INVS: variants seen among roughly 807,000 people sequenced by gnomAD.
The protein encoded by INVS is inversion of embryo turning homolog.
Under a neutral mutation model 108.8 loss-of-function variants are expected in INVS, and 86 were observed. That is an observed-to-expected ratio of 0.79 (90% CI 0.66 to 0.95). INVS has a LOEUF of 0.95. Ranked by LOEUF, INVS falls within the 40% of genes least tolerant of loss-of-function variation. INVS has a pLI of 0.00. For synonymous variants in INVS, 455 were observed against 473.5 expected, an observed-to-expected ratio of 0.96 and a Z score of 0.51; for missense variants, 1,169 against 1,297.4, an observed-to-expected ratio of 0.90 and a Z score of 1.52.
chr9:100,237,569 G>T (rs999818462), intron 5 of INVS, among the ~76,000 whole-genome samples: 5 of 152,114 alleles, frequency 3.3e-5, no homozygotes, highest in Non-Finnish European at 7.4e-5. Context: ...TACCGTCCCT[G>T]CCGGCACTGT....
chr9:100,300,557 GTTT>G lies in INVS; in HGVS notation c.3092-8_3092-6del. 6.5e-7 allele frequency: 1 copy of G among 1,536,932 alleles called. No homozygotes were observed. The highest frequency in any genetic ancestry group is 9.0e-7 in the Non-Finnish European group (1 of 1,109,802). On this transcript the variant is annotated splice_polypyrimidine_tract_variant and splice_region_variant and intron_variant, in intron 16 of 16. Transcript: ENST00000262457. Reference sequence around the variant, plus strand: ...TAACCTTAATATCTATCTGGTATTTGTTTTTAACAGTGAGCAACCTACAGTGTA... The same window carrying G: ...TAACCTTAATATCTATCTGGTATTTGTTAACAGTGAGCAACCTACAGTGTA...
chr9:100,119,548 C>T (rs530422930), intron 2 of INVS, among the ~76,000 whole-genome samples: 1 of 152,216 alleles, frequency 6.6e-6, no homozygotes, highest in Non-Finnish European at 1.5e-5. Flanking sequence ...TCTCTCCCCA[C>T]TGCACATTGG....
chr9:100,227,598 CA>C (rs1831371652), intron 4 of INVS, among the ~76,000 whole-genome samples: 1 of 151,468 alleles, frequency 6.6e-6, no homozygotes, highest in Non-Finnish European at 1.5e-5. Flanking sequence ...TGAACATTGT[CA>C]AAATCAAAAT....
intron 12 of INVS, among the ~76,000 whole-genome samples, chr9:100,281,735 C>T (rs1833284714): frequency 6.9e-6 from 1 of 145,020 alleles, no homozygotes; most frequent in East Asian, 2.1e-4. Context: ...GAAAAATCAC[C>T]CCCCTGGTAT....
intron 3 of INVS, chr9:100,130,710 A>G (rs1268662642): frequency 6.6e-6 from 1 of 152,102 alleles, no homozygotes; most frequent in Non-Finnish European, 1.5e-5. Context: ...TGTGCTATTT[A>G]TGTAATCATG....
chr9:100,198,049 A>G (rs1316480110), intron 3 of INVS, among the ~76,000 whole-genome samples: 3 of 152,154 alleles, frequency 2.0e-5, no homozygotes, highest in Admixed American at 2.0e-4. Flanking sequence ...ACAAAAATCT[A>G]TGTCTATATC....
At chr9:100,282,054 G>A (rs1053407161) in intron 12 of INVS, among the ~76,000 whole-genome samples, 3 of 152,114 alleles carry the variant, frequency 2.0e-5, no homozygotes, top group Non-Finnish European at 4.4e-5. Flanking sequence ...CCACCCACAT[G>A]TGTCTGTCTA....
chr9:100,191,047 G>T (rs1830204954), intron 3 of INVS, among the ~76,000 whole-genome samples: 1 of 151,954 alleles, frequency 6.6e-6, no homozygotes, highest in Non-Finnish European at 1.5e-5. Flanking sequence ...TTTTTATAGA[G>T]ATGGGTTCTC....
chr9:100,158,341 T>G (rs1829067310), intron 3 of INVS, among the ~76,000 whole-genome samples: 1 of 152,210 alleles, frequency 6.6e-6, no homozygotes, highest in Non-Finnish European at 1.5e-5. Flanking sequence ...ATTTATAACT[T>G]TCAATGACAG....
At position 100,236,693 on chromosome 9, in the gene INVS, G is replaced by A. The variant is rs1230513647; in HGVS notation, c.616-3367G>A. ...CGTGGGTATCACCAGCAGAGGCTACGGAACAGTAAAGATTGCTGCCTGTTC... is the reference window on the plus strand; with the variant it reads ...CGTGGGTATCACCAGCAGAGGCTACAGAACAGTAAAGATTGCTGCCTGTTC... On this transcript the variant is annotated intron_variant, in intron 5 of 16. Coordinates refer to ENST00000262457, the MANE Select transcript of INVS (RefSeq NM_014425.5). 3.3e-5 allele frequency among the ~76,000 whole-genome samples: 5 copies of A among 152,122 alleles called. No homozygotes were observed. The East Asian group carries it at 7.7e-4, about 23-fold the overall frequency.
At position 100,300,847 on chromosome 9, in the gene INVS, C is replaced by T; in HGVS notation, c.*173C>T. Reference sequence around the variant, plus strand: ...AATGTCAGAATGTTTCCTTTCTGCTCTTACACAGCATTGTTTTGTCAATCA... The same window carrying T: ...AATGTCAGAATGTTTCCTTTCTGCTTTTACACAGCATTGTTTTGTCAATCA... On this transcript the variant is annotated 3_prime_UTR_variant, in exon 17 of 17. Transcript: ENST00000262457. 1 of 647,086 alleles carries T rather than the reference C, an allele frequency of 1.5e-6. No individual in the cohort carries two copies. Among genetic ancestry groups the T allele is most frequent in the Non-Finnish European group, 2.8e-6 (1 of 360,230 alleles). The allele number at this position is 647,086 out of a possible 1,614,324, so 40.1% of individuals were successfully genotyped here.
At chr9:100,268,383 T>C (rs1235187488) in intron 11 of INVS, among the ~76,000 whole-genome samples, 2 of 152,208 alleles carry the variant, frequency 1.3e-5, no homozygotes, top group African/African-American at 4.8e-5. Flanking sequence ...ATATTAGGAC[T>C]CTCTCAAGTC....
rs557405962 is a variant in INVS, at chr9:100,269,958, C to T, written c.1572-2906C>T. On this transcript the variant is annotated intron_variant, in intron 11 of 16. Coordinates refer to ENST00000262457, the MANE Select transcript of INVS (RefSeq NM_014425.5). ...ACCAGGAACATTGCTATCCTCTTTA[C>T]ACTTATTTTTCCATTTTCTCCTCAT... 8.5e-5 allele frequency among the ~76,000 whole-genome samples: 13 copies of T among 152,326 alleles called. No homozygotes were observed. In the East Asian group the frequency reaches 2.5e-3, roughly 29 times the overall value.
At chr9:100,147,038 G>A (rs796220593) in intron 3 of INVS, among the ~76,000 whole-genome samples, 8 of 152,242 alleles carry the variant, frequency 5.3e-5, no homozygotes, top group African/African-American at 1.9e-4. Context: ...TTGGTTGAAT[G>A]GATTTATTAA....
At chr9:100,159,332 G>T (rs1410823258) in intron 3 of INVS, among the ~76,000 whole-genome samples, 1 of 152,206 alleles carries the variant, frequency 6.6e-6, no homozygotes, top group African/African-American at 2.4e-5. Context: ...AAGGCTTGGA[G>T]ATAAATAGTA....
chr9:100,161,947 A>G (rs1374318644), intron 3 of INVS, among the ~76,000 whole-genome samples: 1 of 152,202 alleles, frequency 6.6e-6, no homozygotes, highest in East Asian at 1.9e-4. Context: ...TCAACTAAAA[A>G]AACTTCAAAC....
At chr9:100,279,779 G>A (rs1425134562) in intron 12 of INVS, among the ~76,000 whole-genome samples, 1 of 152,118 alleles carries the variant, frequency 6.6e-6, no homozygotes, top group African/African-American at 2.4e-5. Flanking sequence ...ATGGAAACCT[G>A]AATATTCATG....
At position 100,292,767 on chromosome 9, in the gene INVS, A is replaced by G. The variant is rs1448572329; in HGVS notation, c.2510A>G (p.Gln837Arg). 1.2e-6 allele frequency: 2 copies of G among 1,614,028 alleles called. No homozygotes were observed. The highest frequency in any genetic ancestry group is 8.5e-7 in the Non-Finnish European group (1 of 1,180,034). Reference protein sequence around the residue: ...HHRTPRNKVTQAKLTGGLYSH... With the variant: ...HHRTPRNKVTRAKLTGGLYSH... ...CGTACACCAAGAAACAAAGTGACAC[A>G]AGCCAAGCTCACAGGAGGGCTCTAT... The change falls in exon 14 of 17, where the codon CAA becomes CGA. Residue 837 changes from glutamine to arginine, a missense_variant. Gln to Arg is a conservative substitution (Grantham distance 43). Around this residue, in one of 3 missense-constraint regions of INVS, gnomAD observed 533 missense variants for 536.0 expected, o/e 0.99. Transcript: ENST00000262457.
chr9:100,175,251 T>G (rs10760719), intron 3 of INVS: 1 of 624,246 alleles, frequency 1.6e-6, no homozygotes, highest in Non-Finnish European at 2.9e-6. Context: ...TCTTTGCCAA[T>G]GTCTGTGATT....
Sources: allele counts gnomAD v4.1 joint callset (sites outside exome capture counted in the v4.1 genomes callset), GRCh38; gene constraint gnomAD v4.1.1; regional missense constraint gnomAD v4.1.1; transcripts MANE v1.5; gene names NCBI Gene and HGNC (gene_info 2026-07-23, HGNC 2026-07-21).